Variants in ABCA4 observed in about 807,000 individuals in gnomAD.
The protein encoded by ABCA4 is ATP binding cassette subfamily A member 4.
ABCA4 carries 196 observed loss-of-function variants against 263.7 expected under a neutral mutation model. The observed-to-expected ratio is 0.74, with a 90% CI of 0.66 to 0.84. The LOEUF is 0.84. Among genes scored for constraint, ABCA4 ranks in the 40% least tolerant of loss-of-function variants. The probability of loss-of-function intolerance (pLI) is 0.00; values close to 1 mark genes in which losing one functional copy is unlikely to be tolerated. For missense variants in ABCA4, 2,792 were observed against 2,855.1 expected (o/e 0.98, Z 0.50); for synonymous variants, 1,133 against 1,094.2 (o/e 1.04, Z -0.70).
intron 7 of ABCA4, among the ~76,000 whole-genome samples, chr1:94,081,489 T>C (rs1454315123): frequency 6.6e-6 from 1 of 152,190 alleles, no homozygotes; most frequent in East Asian, 1.9e-4. Context: ...TTTGGCTAAA[T>C]AGTCTAAAAT....
At chr1:94,019,819 G>T in intron 35 of ABCA4, 60 bp from the exon 36 acceptor site, 1 of 1,559,046 alleles carries the variant, frequency 6.4e-7, no homozygotes. Context: ...AGAAGGAGGA[G>T]AAGATACAAA....
chr1:94,102,882 C>T (rs978023496), intron 5 of ABCA4, 133 bp downstream of exon 5: 10 of 1,282,196 alleles, frequency 7.8e-6, no homozygotes, highest in African/African-American at 3.0e-5. Flanking sequence ...TTTCTAAATA[C>T]AAGGCATTAA....
intron 14 of ABCA4, among the ~76,000 whole-genome samples, chr1:94,058,242 TTTGTG>T (rs1661030564): frequency 6.6e-6 from 1 of 152,166 alleles, no homozygotes; most frequent in Admixed American, 6.5e-5. Flanking sequence ...AGCTCCTGAT[TTTGTG>T]TGTCACCCAC....
In ABCA4 at chr1:94,056,790, G is replaced by A; in HGVS notation, c.2193C>T (p.Phe731=). 2 of 1,611,110 alleles carry A rather than the reference G, an allele frequency of 1.2e-6. No homozygotes were observed. Among genetic ancestry groups the A allele is most frequent in the Non-Finnish European group, 1.7e-6 (2 of 1,178,522 alleles). The part of the protein sequence containing the change: ...HGRILHYSDP[F]ILFLFLLAFS... ...AAGCCAACAAGAACAGGAAGAGGATGAATGGGTCGCTGTAATGTAGGATTC... is the reference window on the plus strand; with the variant it reads ...AAGCCAACAAGAACAGGAAGAGGATAAATGGGTCGCTGTAATGTAGGATTC... Residue 731 remains phenylalanine (F), a synonymous_variant, in exon 15 of 50, where the codon TTC becomes TTT. Transcript: ENST00000370225.
At chr1:94,097,090 A>G (rs1350128155) in intron 6 of ABCA4, among the ~76,000 whole-genome samples, 2 of 152,182 alleles carry the variant, frequency 1.3e-5, no homozygotes, top group Admixed American at 1.3e-4. Flanking sequence ...TCTAAAATCA[A>G]GTTCTTTTTG....
intron 26 of ABCA4, among the ~76,000 whole-genome samples, chr1:94,034,317 T>C (rs979786082): frequency 6.6e-6 from 1 of 152,184 alleles, no homozygotes; most frequent in Admixed American, 6.5e-5. Flanking sequence ...TCTCTTCTTC[T>C]CTCTTCTTCT....
chr1:94,068,807 G>A (rs1661338047), intron 11 of ABCA4, among the ~76,000 whole-genome samples: 1 of 152,166 alleles, frequency 6.6e-6, no homozygotes, highest in South Asian at 2.1e-4. Flanking sequence ...GGAGTCAAAG[G>A]GCATCTTTGC....
At chr1:94,014,521 A>G (rs1659668478) in intron 38 of ABCA4, 22 bp downstream of exon 38, 2 of 1,613,792 alleles carry the variant, frequency 1.2e-6, no homozygotes, top group East Asian at 2.2e-5. Context: ...TCAAACAAAA[A>G]AGCCAAGAAA....
chr1:94,006,926 A>C (rs1287993358), intron 43 of ABCA4, among the ~76,000 whole-genome samples: 1 of 152,232 alleles, frequency 6.6e-6, no homozygotes, highest in African/African-American at 2.4e-5. Context: ...GCCAGGAAAG[A>C]GGCAGATGAG....
intron 17 of ABCA4, among the ~76,000 whole-genome samples, chr1:94,050,524 A>G (rs1296764308): frequency 3.9e-5 from 6 of 152,176 alleles, no homozygotes; most frequent in South Asian, 2.1e-4. Context: ...TGGCAAACAT[A>G]TTTGTGATTC....
intron 6 of ABCA4, among the ~76,000 whole-genome samples, chr1:94,097,856 T>C (rs1188986035): frequency 6.6e-6 from 1 of 152,208 alleles, no homozygotes; most frequent in Non-Finnish European, 1.5e-5. Flanking sequence ...TTCACGCCAT[T>C]CTCCGGCCTC....
chr1:94,103,068 G>A lies in ABCA4; in HGVS notation c.517C>T (p.Leu173=). The A allele has an allele frequency of 6.2e-7, 1 of 1,614,188 alleles. No homozygotes were observed. The highest frequency in any genetic ancestry group is 8.5e-7 in the Non-Finnish European group (1 of 1,180,028). ...LTLFLIKNIG[L]SDSVVYLLIN... is the part of the protein sequence containing the mutation. ...AGAAGGTAGACCACTGAGTCAGACA[G>A]GCCGATGTTTTTAATGAGAAATAGT... The change falls in exon 5 of 50, where the codon CTG becomes TTG. Residue 173 remains leucine, a synonymous_variant. Coordinates refer to ENST00000370225, the MANE Select transcript of ABCA4 (RefSeq NM_000350.3).
intron 3 of ABCA4, 44 bp downstream of exon 3, chr1:94,111,394 G>A: frequency 6.2e-7 from 1 of 1,608,572 alleles, no homozygotes; most frequent in Non-Finnish European, 8.5e-7. Flanking sequence ...ACGTGAAGGG[G>A]TGTGCAACTT....
At chr1:94,021,476 A>G in intron 34 of ABCA4, 67 bp from the exon 35 acceptor site, 1 of 1,606,482 alleles carries the variant, frequency 6.2e-7, no homozygotes, top group Non-Finnish European at 8.5e-7. Flanking sequence ...TCAGTGAAGG[A>G]AAGGAAATTT....
chr1:94,067,478 A>G (rs1161564448), intron 11 of ABCA4, among the ~76,000 whole-genome samples: 1 of 152,214 alleles, frequency 6.6e-6, no homozygotes, highest in Non-Finnish European at 1.5e-5. Flanking sequence ...CTGGGGGAAA[A>G]AAAACTTAAA....
chr1:94,067,507 T>A (rs574105713), intron 11 of ABCA4, among the ~76,000 whole-genome samples: 2 of 152,342 alleles, frequency 1.3e-5, no homozygotes, highest in South Asian at 2.1e-4. Flanking sequence ...AAACGTTCAT[T>A]TACCCTAAAA....
In ABCA4 at chr1:94,000,818, G is replaced by A. The variant is rs765512430; in HGVS notation, c.6479+18C>T. ...ATCCACAGAAGGCAACAAGGGGCACGCCCCACCATCTGCTTACTTGGACTT... is the reference window on the plus strand; with the variant it reads ...ATCCACAGAAGGCAACAAGGGGCACACCCCACCATCTGCTTACTTGGACTT... On this transcript the variant is annotated intron_variant, in intron 47 of 49. Transcript: ENST00000370225. The A allele has an allele frequency of 2.4e-5, 38 of 1,612,768 alleles. No individual in the cohort carries two copies. The African/African-American group carries it at 3.3e-4, about 14-fold the overall frequency.
chr1:94,018,829 A>C (rs1165184497), intron 36 of ABCA4, among the ~76,000 whole-genome samples: 1 of 151,858 alleles, frequency 6.6e-6, no homozygotes, highest in Non-Finnish European at 1.5e-5. Flanking sequence ...TACCCCCACC[A>C]ACCTTGGTTG....
Position 94,016,810 on chromosome 1 carries a change from T to TGGCTTG in ABCA4, c.5197-957_5197-956insCAAGCC, listed in dbSNP as rs1279666831. ...GGGACCAATGGTGCTCCAGAGGCAA[T>TGGCTTG]GAACATATCTAGCACTCAGACCTTG... is the stretch of plus-strand genomic sequence containing the variant. On this transcript the variant is annotated intron_variant, in intron 36 of 49. Coordinates refer to ENST00000370225, the MANE Select transcript of ABCA4 (RefSeq NM_000350.3). Among the ~76,000 whole-genome samples the TGGCTTG allele has an allele frequency of 8.5e-5, 13 of 152,274 alleles. No individual in the cohort carries two copies. In the East Asian group the frequency reaches 2.5e-3, roughly 29 times the overall value.
Sources: allele counts gnomAD v4.1 joint callset (sites outside exome capture counted in the v4.1 genomes callset), GRCh38; gene constraint gnomAD v4.1.1; transcripts MANE v1.5; gene names NCBI Gene and HGNC (gene_info 2026-07-23, HGNC 2026-07-21).